Variants in ERAL1 observed in about 807,000 individuals in gnomAD.
ERAL1 encodes the protein GTPase Era, mitochondrial.
Under a neutral mutation model 53.6 loss-of-function variants are expected in ERAL1, and 36 were observed. The observed-to-expected ratio is 0.67, with a 90% CI of 0.51 to 0.89. The LOEUF (loss-of-function observed/expected upper bound fraction) is 0.89, where lower values mean the gene tolerates loss of function less well. Ranked by LOEUF, ERAL1 falls within the 40% of genes least tolerant of loss-of-function variation. ERAL1 has a pLI of 0.00. For synonymous variants in ERAL1, 215 were observed against 211.8 expected, an observed-to-expected ratio of 1.02 and a Z score of -0.13; for missense variants, 512 against 537.5, an observed-to-expected ratio of 0.95 and a Z score of 0.47.
chr17:28,858,642 A>G lies in ERAL1; in HGVS notation c.778A>G (p.Asn260Asp), dbSNP rs144284910. 2,531 of 1,614,194 alleles carry G rather than the reference A, an allele frequency of 1.6e-3. 9 individuals carry two copies. The highest frequency in any genetic ancestry group is 1.3e-3 in the Non-Finnish European group (1,533 of 1,180,030). Residue 260 changes from asparagine to aspartate, a missense_variant, in exon 7 of 10, where the codon AAT (asparagine) becomes GAT (aspartate). Physicochemically the swap from Asn to Asp is conservative, Grantham distance 23. Transcript: ENST00000254928. ...GGCAGCCCTCACTGAAGGTGTGGTC[A>G]ATGGCAAAAAGCTCAAGATGAGGCA... Reference protein sequence around the residue: ...LTAALTEGVVNGKKLKMRQAF... With the variant: ...LTAALTEGVVDGKKLKMRQAF...
intron 4 of ERAL1, 74 bp from the exon 5 acceptor site, chr17:28,858,072 T>C (rs1020313033): frequency 6.2e-7 from 1 of 1,613,042 alleles, no homozygotes. Flanking sequence ...AAAACCCCTT[T>C]ACCATACCAC....
chr17:28,860,382 C>T (rs1473538058), intron 9 of ERAL1, 49 bp from the exon 10 acceptor site: 4 of 1,604,830 alleles, frequency 2.5e-6, no homozygotes, highest in Non-Finnish European at 3.4e-6. Flanking sequence ...GCTGGGACTA[C>T]AGGCATGTGC....
At position 28,856,564 on chromosome 17, in the gene ERAL1, A is replaced by G. The variant is rs1425678316; in HGVS notation, c.471A>G (p.Thr157=). The G allele has an allele frequency of 6.2e-7, 1 of 1,613,956 alleles. No homozygotes were observed. Among genetic ancestry groups the G allele is most frequent in the African/African-American group, 1.3e-5 (1 of 74,910 alleles). ...TTRCQALGVI[T]EKETQVILLD... is the part of the protein sequence containing the mutation. ...GCTGCCAAGCTCTGGGGGTCATCAC[A>G]GAGAAGGAGACCCAGGTGGTGGGTA... Residue 157 remains threonine, a synonymous_variant, in exon 3 of 10, where the codon ACA becomes ACG. Transcript: ENST00000254928.
chr17:28,859,827 T>A (rs973387490), intron 9 of ERAL1, among the ~76,000 whole-genome samples: 12 of 151,770 alleles, frequency 7.9e-5, no homozygotes, highest in Admixed American at 7.2e-4. Context: ...TCCGCTAATT[T>A]AAAAAAATTT....
intron 3 of ERAL1, among the ~76,000 whole-genome samples, chr17:28,856,917 T>C (rs1375770718): frequency 6.6e-6 from 1 of 151,366 alleles, no homozygotes; most frequent in African/African-American, 2.4e-5. Flanking sequence ...CTCACTGTGT[T>C]AGCCAGGATG....
At chr17:28,858,067 C>A in intron 4 of ERAL1, 79 bp from the exon 5 acceptor site, 1 of 1,612,452 alleles carries the variant, frequency 6.2e-7, no homozygotes, top group Non-Finnish European at 8.5e-7. Context: ...GCTGGAAAAC[C>A]CCTTTACCAT....
Position 28,858,100 on chromosome 17 carries a change from C to A in ERAL1, c.537-46C>A, listed in dbSNP as rs200068552. ...CATACCACATCCCTCATCAGAAATG[C>A]CTTAGTCATAAGACCTTTCCTGACT... On this transcript the variant is annotated intron_variant, in intron 4 of 9. Coordinates refer to ENST00000254928, the MANE Select transcript of ERAL1 (RefSeq NM_005702.4). The A allele has an allele frequency of 5.2e-4, 843 of 1,612,268 alleles. 2 individuals carry two copies. Among genetic ancestry groups the A allele is most frequent in the Non-Finnish European group, 6.6e-4 (777 of 1,178,358 alleles).
In ERAL1 at chr17:28,855,463, AT is replaced by A. The variant is rs2039229456; in HGVS notation, c.283+147del. On this transcript the variant is annotated intron_variant, in intron 1 of 9. Transcript: ENST00000254928. The stretch of plus-strand genomic sequence containing the variant: ...CAGTGAAAAATCTCTCAGGAGAGAA[AT>A]AACAGTTTGAGTGGGAGAAGGAAAC... 5 of 969,314 alleles carry A rather than the reference AT, an allele frequency of 5.2e-6. No homozygotes were observed. In the African/African-American group the frequency reaches 6.7e-5, roughly 13 times the overall value. The allele number at this position is 969,314 out of a possible 1,614,324, so 60.0% of individuals were successfully genotyped here. A position where few individuals can be genotyped will look rare whatever the true frequency, so the allele number is the denominator to read the frequency against.
At chr17:28,858,927 G>C in intron 7 of ERAL1, 37 bp from the exon 8 acceptor site, 2 of 1,613,080 alleles carry the variant, frequency 1.2e-6, no homozygotes, top group South Asian at 2.2e-5. Context: ...GTCCTGGTTG[G>C]GATTAAGATG....
At chr17:28,857,090 G>A (rs1028041642) in intron 3 of ERAL1, among the ~76,000 whole-genome samples, 1 of 150,746 alleles carries the variant, frequency 6.6e-6, no homozygotes, top group Non-Finnish European at 1.5e-5. Context: ...TAGTCAGAAA[G>A]ATTTCATTCT....
Position 28,860,739 on chromosome 17 carries a change from G to T in ERAL1, c.*186G>T. ...CAGCTGTGTCTTCTGTTGGAAGAAG[G>T]AACCTGCCTTAGCTCAGTTTCCAGG... is the stretch of plus-strand genomic sequence containing the variant. On this transcript the variant is annotated 3_prime_UTR_variant, in exon 10 of 10. Coordinates refer to ENST00000254928, the MANE Select transcript of ERAL1 (RefSeq NM_005702.4). 1.6e-6 allele frequency: 1 copy of T among 606,478 alleles called. No individual in the cohort carries two copies. The highest frequency in any genetic ancestry group is 2.8e-5 in the South Asian group (1 of 36,246). 37.6% of individuals were successfully genotyped at this position (606,478 alleles called of 1,614,324 possible).
Position 28,855,200 on chromosome 17 carries a change from C to T in ERAL1, c.166C>T (p.Arg56Cys), listed in dbSNP as rs2039224179. The change falls in exon 1 of 10, where the codon CGC (arginine) becomes TGC (cysteine). Residue 56 changes from arginine to cysteine, a missense_variant. Arg to Cys is a radical substitution (Grantham distance 180, BLOSUM62 -3). Coordinates refer to ENST00000254928, the MANE Select transcript of ERAL1 (RefSeq NM_005702.4). ...CGCGGGGTCCGCTTTCTCTGGTCCC[C>T]GCTTGGCCTCGGCTTCTCGCAGTAA... Reference protein sequence around the residue: ...CVAGSAFSGPRLASASRSNGQ... With the variant: ...CVAGSAFSGPCLASASRSNGQ... 6.2e-7 allele frequency: 1 copy of T among 1,614,120 alleles called. No individual in the cohort carries two copies. Among genetic ancestry groups the T allele is most frequent in the Admixed American group, 1.7e-5 (1 of 60,008 alleles).
rs151205941 is a variant in ERAL1 at position 28,859,221 on chromosome 17, G to A, written c.1129G>A (p.Glu377Lys). ...TGTACAGAAGACAGCAGTGTGGGAG[G>A]AAGGACCAGGTGGGGAGCTGGTTAT... ...NVQQKTAVWE[E>K]GPGGELVIQQ... Residue 377 changes from glutamate to lysine, a missense_variant, in exon 9 of 10, where the codon GAA (glutamate) becomes AAA (lysine). Glu to Lys is a moderately conservative substitution (Grantham distance 56). Coordinates refer to ENST00000254928, the MANE Select transcript of ERAL1 (RefSeq NM_005702.4). 6.2e-7 allele frequency: 1 copy of A among 1,614,154 alleles called. No individual in the cohort carries two copies. Among genetic ancestry groups the A allele is most frequent in the Non-Finnish European group, 8.5e-7 (1 of 1,180,024 alleles).
rs1280537255 is a variant in ERAL1 at position 28,858,388 on chromosome 17, G to C, written c.613G>C (p.Asp205His). The C allele has an allele frequency of 1.2e-6, 2 of 1,613,872 alleles. No individual in the cohort carries two copies. Among genetic ancestry groups the C allele is most frequent in the African/African-American group, 2.7e-5 (2 of 74,850 alleles). ...ESADLVVVLV[D>H]VSDKWTRNQL... is the part of the protein sequence containing the mutation. The stretch of plus-strand genomic sequence containing the variant: ...CCATCTTCTAGTTGTGGTTCTTGTG[G>C]ATGTCTCAGACAAGTGGACACGGAA... The change falls in exon 6 of 10, where the codon GAT (aspartate) becomes CAT (histidine). Residue 205 changes from aspartate to histidine, a missense_variant. Asp to His is a moderately conservative substitution (Grantham distance 81). Transcript: ENST00000254928.
chr17:28,858,974 T>G lies in ERAL1; in HGVS notation c.971T>G (p.Leu324Arg). The change falls in exon 8 of 10, where the codon CTG becomes CGG. Residue 324 changes from leucine to arginine, a missense_variant. Physicochemically the swap from Leu to Arg is moderately radical, Grantham distance 102. Coordinates refer to ENST00000254928, the MANE Select transcript of ERAL1 (RefSeq NM_005702.4). ...EDVKTLKQYL[L>R]TQAQPGPWEY... ...CCTCTGTTCCCACAGCAATACCTTC[T>G]GACACAGGCCCAGCCAGGGCCCTGG... The G allele has an allele frequency of 6.2e-7, 1 of 1,614,124 alleles. No individual in the cohort carries two copies. Among genetic ancestry groups the G allele is most frequent in the Non-Finnish European group, 8.5e-7 (1 of 1,180,034 alleles).
rs1025490460 is a variant in ERAL1 at position 28,860,847 on chromosome 17, A to G, written c.*294A>G. On this transcript the variant is annotated 3_prime_UTR_variant, in exon 10 of 10. Transcript: ENST00000254928. The stretch of plus-strand genomic sequence containing the variant: ...GTGGGAGCAATGTCACCCTGCCTCC[A>G]GCTAGCTATGGGCCCAGAGTTTCTC... The G allele has an allele frequency of 9.3e-6, 2 of 213,922 alleles. No homozygotes were observed. The highest frequency in any genetic ancestry group is 1.9e-4 in the South Asian group (2 of 10,516). 13.3% of individuals were successfully genotyped at this position (213,922 alleles called of 1,614,324 possible). A position where few individuals can be genotyped will look rare whatever the true frequency, so the allele number is the denominator to read the frequency against.
chr17:28,860,425 C>T lies in ERAL1; in HGVS notation c.1192-6C>T. ...CCTGGCTTCCTTCTCTTTCACATAC[C>T]CTCAGAAACTCCTGATTGGTCCGAA... On this transcript the variant is annotated splice_region_variant and splice_polypyrimidine_tract_variant and intron_variant, in intron 9 of 9. Transcript: ENST00000254928. 1 of 1,611,380 alleles carries T rather than the reference C, an allele frequency of 6.2e-7. No homozygotes were observed. Among genetic ancestry groups the T allele is most frequent in the Non-Finnish European group, 8.5e-7 (1 of 1,178,804 alleles).
rs1567919953 is a variant in ERAL1 at position 28,858,827 on chromosome 17, CAGTT to C, written c.960+7_960+10del. On this transcript the variant is annotated splice_donor_5th_base_variant and intron_variant, in intron 7 of 9. Coordinates refer to ENST00000254928, the MANE Select transcript of ERAL1 (RefSeq NM_005702.4). ...AGGAGGACGTGAAAACACTAAAGGT[CAGTT>C]AGTCTTGGCCATAGCCTGGCCCTTG... The C allele has an allele frequency of 1.2e-6, 2 of 1,614,102 alleles. No individual in the cohort carries two copies. The highest frequency in any genetic ancestry group is 2.2e-5 in the East Asian group (1 of 44,884).
rs1167067677 is a variant in ERAL1 at position 28,856,545 on chromosome 17, A to G, written c.452A>G (p.Gln151Arg). 1.2e-6 allele frequency: 2 copies of G among 1,613,864 alleles called. No individual in the cohort carries two copies. Among genetic ancestry groups the G allele is most frequent in the African/African-American group, 2.7e-5 (2 of 74,870 alleles). ...AGGAAGGTGCATACTACTCGCTGCCAAGCTCTGGGGGTCATCACAGAGAAG... is the reference window on the plus strand; with the variant it reads ...AGGAAGGTGCATACTACTCGCTGCCGAGCTCTGGGGGTCATCACAGAGAAG... The part of the protein sequence containing the change: ...VSRKVHTTRC[Q>R]ALGVITEKET... Residue 151 changes from glutamine to arginine, a missense_variant, in exon 3 of 10, where the codon CAA (glutamine) becomes CGA (arginine). By Grantham distance (43) the Gln-to-Arg change is conservative. Coordinates refer to ENST00000254928, the MANE Select transcript of ERAL1 (RefSeq NM_005702.4).
Sources: allele counts gnomAD v4.1 joint callset (sites outside exome capture counted in the v4.1 genomes callset), GRCh38; gene constraint gnomAD v4.1.1; transcripts MANE v1.5; gene names NCBI Gene and HGNC (gene_info 2026-07-23, HGNC 2026-07-21).